IL32: variants seen among roughly 807,000 people sequenced by gnomAD.
The protein encoded by IL32 is interleukin-32.
IL32 carries 30 observed loss-of-function variants against 16.6 expected under a neutral mutation model. The ratio of observed to expected loss-of-function variants is 1.81; its 90% CI spans 1.35 to 2.45. IL32 has a LOEUF of 2.45. Ranked by LOEUF, IL32 falls within the 30% of genes most tolerant of loss-of-function variation. IL32 has a pLI of 0.00. For missense variants in IL32, 234 were observed against 229.8 expected, an observed-to-expected ratio of 1.02 and a Z score of -0.12; for synonymous variants, 70 against 86.1, an observed-to-expected ratio of 0.81 and a Z score of 1.03.
intron 6 of IL32, 143 bp downstream of exon 6, chr16:3,068,382 T>A: frequency 1.4e-6 from 1 of 732,878 alleles, no homozygotes; most frequent in East Asian, 2.8e-5. Context: ...CTTGGCTCAC[T>A]GCAACCTCCA....
At chr16:3,065,484 G>A, upstream of IL32, 1 of 466,072 alleles carries the variant, frequency 2.1e-6, no homozygotes, top group South Asian at 2.3e-5. Context: ...CCAGACCTCT[G>A]TCTCTCTCGG....
chr16:3,068,833 G>A (rs1479149877), intron 6 of IL32, among the ~76,000 whole-genome samples, 157 bp from the exon 7 acceptor site: 1 of 152,164 alleles, frequency 6.6e-6, no homozygotes, highest in Non-Finnish European at 1.5e-5. Context: ...GGGACTCTGG[G>A]AAAAGTCCCT....
At chr16:3,067,312 T>C (rs1567142410) in intron 2 of IL32, 65 bp from the exon 3 acceptor site, 2 of 826,852 alleles carry the variant, frequency 2.4e-6, no homozygotes, top group South Asian at 3.3e-5. Flanking sequence ...TGTGTGTGTA[T>C]AAATTATCCT....
chr16:3,067,680 G>A lies in IL32; in HGVS notation c.114+67G>A, dbSNP rs368756741. Reference sequence around the variant, plus strand: ...CCCCCAGGCACTCCACCCTGTGTGGGGCTCAGGGTGAGAAGGATGAAGAGG... The same window carrying A: ...CCCCCAGGCACTCCACCCTGTGTGGAGCTCAGGGTGAGAAGGATGAAGAGG... On this transcript the variant is annotated intron_variant, in intron 4 of 6. Transcript: ENST00000525643. 34 of 1,215,460 alleles carry A rather than the reference G, an allele frequency of 2.8e-5. 1 individual carries two copies. The South Asian group carries it at 3.9e-4, about 14-fold the overall frequency. 75.3% of individuals were successfully genotyped at this position (1,215,460 alleles called of 1,614,324 possible).
chr16:3,069,310 G>A lies in IL32; in HGVS notation c.522G>A (p.Glu174=). Residue 174 remains glutamate (E), a synonymous_variant, in exon 7 of 7, where the codon GAG becomes GAA. Transcript: ENST00000525643. ...QSYGAPRGDK[E]ELTPQKCSEP... Reference sequence around the variant, plus strand: ...ACGGAGCCCCACGGGGGGACAAGGAGGAGCTGACACCCCAGAAGTGCTCTG... The same window carrying A: ...ACGGAGCCCCACGGGGGGACAAGGAAGAGCTGACACCCCAGAAGTGCTCTG... 3.8e-6 allele frequency: 6 copies of A among 1,595,206 alleles called. No homozygotes were observed. The highest frequency in any genetic ancestry group is 1.1e-5 in the South Asian group (1 of 88,186).
At chr16:3,067,449 G>C (rs371706904) in intron 3 of IL32, 34 bp downstream of exon 3, 130 of 1,610,704 alleles carry the variant, frequency 8.1e-5, no homozygotes, top group Non-Finnish European at 1.0e-4. Flanking sequence ...TCAGGGGTTG[G>C]GGGCCTGGGT....
chr16:3,067,298 T>C, intron 2 of IL32, 79 bp from the exon 3 acceptor site: 1 of 723,564 alleles, frequency 1.4e-6, no homozygotes, highest in South Asian at 1.7e-5. Context: ...TGTGTGTGTG[T>C]GTGTGTGTGT....
At chr16:3,068,365 G>A (rs1443655950) in intron 6 of IL32, 126 bp downstream of exon 6, 5 of 870,330 alleles carry the variant, frequency 5.7e-6, no homozygotes, top group Admixed American at 2.2e-5. Flanking sequence ...GAGTGCAGTG[G>A]CATGATCTTG....
intron 2 of IL32, 72 bp from the exon 3 acceptor site, chr16:3,067,288 TGTGTGTGTGTGTGTGTG>T: frequency 1.8e-6 from 1 of 556,262 alleles, no homozygotes; most frequent in South Asian, 2.9e-5. Flanking sequence ...TGTGTGTGTG[TGTGTGTGTGTGTGTGTG>T]TGTGTATAAA....
intron 2 of IL32, among the ~76,000 whole-genome samples, 179 bp from the exon 3 acceptor site, chr16:3,067,198 G>GCC (rs1956439506): frequency 6.6e-6 from 1 of 151,944 alleles, no homozygotes. Flanking sequence ...GACAGCCCTG[G>GCC]CCGGTCTTTC....
chr16:3,065,787 T>C lies in IL32; in HGVS notation c.-25T>C. 3.1e-6 allele frequency: 5 copies of C among 1,614,146 alleles called. No individual in the cohort carries two copies. The highest frequency in any genetic ancestry group is 4.2e-6 in the Non-Finnish European group (5 of 1,179,980). ...CACACCTGTTCCTCGCCAGCAGGCC[T>C]TGGCTCCTTGAACTTTTGGCCGCCA... On this transcript the variant is annotated 5_prime_UTR_variant, in exon 2 of 7. Transcript: ENST00000525643.
At chr16:3,068,695 C>G (rs1381509145) in intron 6 of IL32, 1 of 472,822 alleles carries the variant, frequency 2.1e-6, no homozygotes, top group East Asian at 4.1e-5. Context: ...GACAGCCTAG[C>G]TGGGACCTGC....
intron 6 of IL32, 148 bp from the exon 7 acceptor site, chr16:3,068,842 C>G: frequency 7.5e-7 from 1 of 1,330,604 alleles, no homozygotes; most frequent in African/African-American, 1.5e-5. Flanking sequence ...GGAAAAGTCC[C>G]TCTTGCCCAC....
At chr16:3,067,287 G>GTGTGTGTGTGTGTCTC in intron 2 of IL32, 90 bp from the exon 3 acceptor site, 1 of 551,694 alleles carries the variant, frequency 1.8e-6, no homozygotes, top group Admixed American at 3.8e-5. Flanking sequence ...GTGTGTGTGT[G>GTGTGTGTGTGTGTCTC]TGTGTGTGTG....
intron 2 of IL32, 115 bp downstream of exon 2, chr16:3,065,941 C>T: frequency 8.0e-7 from 1 of 1,251,800 alleles, no homozygotes; most frequent in African/African-American, 1.5e-5. Context: ...TCAGGGGCAC[C>T]CAGCGGCAGG....
Position 3,069,042 on chromosome 16 carries a change from A to C in IL32, c.254A>C (p.Asn85Thr). ...AGAGATGGATTACGGTGCCGAGGCA[A>C]CAGATCCCCTGTCCCGGATGTTGAG... ...KERDGLRCRGNRSPVPDVEDP... is the reference protein window; with the variant it reads ...KERDGLRCRGTRSPVPDVEDP... Residue 85 changes from asparagine to threonine, a missense_variant, in exon 7 of 7, where the codon AAC becomes ACC. Coordinates refer to ENST00000525643, the MANE Select transcript of IL32 (RefSeq NM_001376923.1). 6.2e-7 allele frequency: 1 copy of C among 1,605,826 alleles called. No homozygotes were observed. Among genetic ancestry groups the C allele is most frequent in the East Asian group, 2.2e-5 (1 of 44,734 alleles).
chr16:3,067,603 G>C lies in IL32; in HGVS notation c.104G>C (p.Gly35Ala), dbSNP rs1956533722. 1 of 1,612,026 alleles carries C rather than the reference G, an allele frequency of 6.2e-7. No individual in the cohort carries two copies. The highest frequency in any genetic ancestry group is 1.3e-5 in the African/African-American group (1 of 74,958). ...GATAAAATGCAAAATGCAGAATCAG[G>C]ACGTGGACAGGTGGGTGGATTTCCC... Reference protein sequence around the residue: ...FYDKMQNAESGRGQVMSSLAE... With the variant: ...FYDKMQNAESARGQVMSSLAE... The change falls in exon 4 of 7, where the codon GGA (glycine) becomes GCA (alanine). Residue 35 changes from glycine to alanine, a missense_variant. By Grantham distance (60) the Gly-to-Ala change is moderately conservative. Around this residue, in one of 3 missense-constraint regions of IL32, gnomAD observed 137 missense variants for 80.7 expected, o/e 1.70. Coordinates refer to ENST00000525643, the MANE Select transcript of IL32 (RefSeq NM_001376923.1).
At chr16:3,067,715 G>A (rs370302447) in intron 4 of IL32, 102 bp downstream of exon 4, 3 of 989,096 alleles carry the variant, frequency 3.0e-6, no homozygotes, top group Middle Eastern at 2.4e-4. Context: ...GGACCCACAG[G>A]CTCCCTCACC....
Position 3,065,701 on chromosome 16 carries a change from G to T in IL32, c.-29+14G>T. 8.3e-7 allele frequency: 1 copy of T among 1,209,758 alleles called. No individual in the cohort carries two copies. The allele number at this position is 1,209,758 out of a possible 1,614,324, so 74.9% of individuals were successfully genotyped here. On this transcript the variant is annotated intron_variant, in intron 1 of 6. Coordinates refer to ENST00000525643, the MANE Select transcript of IL32 (RefSeq NM_001376923.1). ...GGGTCATCTCAGGTGGGGAGTTGGG[G>T]TCCCCGAAGGTGAGGACCCTCTGGG...
Sources: gnomAD v4.1 joint callset for allele counts (sites outside exome capture counted in the v4.1 genomes callset) on GRCh38, gnomAD v4.1.1 for gene constraint, gnomAD v4.1.1 regional missense constraint, MANE v1.5 for transcripts, NCBI Gene and HGNC (gene_info 2026-07-23, HGNC 2026-07-21) for gene names.